AGBL1: variants seen among roughly 807,000 people sequenced by gnomAD.
The protein encoded by AGBL1 is AGBL carboxypeptidase 1.
AGBL1 carries 130 observed loss-of-function variants against 118.9 expected under a neutral mutation model. The ratio of observed to expected loss-of-function variants is 1.09; its 90% CI spans 0.95 to 1.26. The LOEUF (loss-of-function observed/expected upper bound fraction) is 1.26, where lower values mean the gene tolerates loss of function less well. AGBL1 is among the 50% of genes most tolerant of loss of function. The pLI, the probability that AGBL1 is intolerant of heterozygous loss-of-function variation, is 0.00. For missense variants in AGBL1, 1,584 were observed against 1,298.1 expected, an observed-to-expected ratio of 1.22 and a Z score of -3.38; for synonymous variants, 555 against 478.9, an observed-to-expected ratio of 1.16 and a Z score of -2.08.
chr15:86,732,343 C>T (rs892919303), intron 22 of AGBL1, among the ~76,000 whole-genome samples: 29 of 152,266 alleles, frequency 1.9e-4, no homozygotes, highest in African/African-American at 5.3e-4. Context: ...TAATCTACTC[C>T]ACCACAGCTG....
Position 86,267,090 on chromosome 15 carries a change from A to G in AGBL1, c.1838+14A>G. On this transcript the variant is annotated intron_variant, in intron 13 of 22. Coordinates refer to ENST00000614907, the MANE Select transcript of AGBL1 (RefSeq NM_001386094.1). The stretch of plus-strand genomic sequence containing the variant: ...CCAAGTGCGTGAGTAAGTAAGGAAA[A>G]CCACAGTGGGTGTCTCCTGTCAGTT... 2 of 1,548,914 alleles carry G rather than the reference A, an allele frequency of 1.3e-6. No individual in the cohort carries two copies. Among genetic ancestry groups the G allele is most frequent in the Non-Finnish European group, 1.7e-6 (2 of 1,142,976 alleles).
chr15:86,673,714 T>C (rs1042601650), intron 21 of AGBL1, among the ~76,000 whole-genome samples: 28 of 152,176 alleles, frequency 1.8e-4, no homozygotes, highest in African/African-American at 6.0e-4. Flanking sequence ...AATTATACTA[T>C]AGAGTACATG....
At chr15:86,544,254 G>C (rs2083546399) in intron 19 of AGBL1, among the ~76,000 whole-genome samples, 1 of 152,148 alleles carries the variant, frequency 6.6e-6, no homozygotes, top group Admixed American at 6.5e-5. Context: ...ATATCAGCTA[G>C]GTCAATCGGG....
intron 22 of AGBL1, among the ~76,000 whole-genome samples, chr15:86,701,740 TCCTTCCTTTCACTCCTTTCC>T (rs969749534): frequency 5.2e-5 from 7 of 133,996 alleles, no homozygotes; most frequent in South Asian, 2.7e-4. Flanking sequence ...CACTCCTCTC[TCCTTCCTTTCACTCCTTTCC>T]CCTTCCTTTC....
At chr15:86,418,191 T>C (rs2081728112) in intron 18 of AGBL1, among the ~76,000 whole-genome samples, 3 of 152,348 alleles carry the variant, frequency 2.0e-5, no homozygotes, top group South Asian at 2.1e-4. Context: ...GATACATTTG[T>C]TGAACTGGAG....
intron 22 of AGBL1, among the ~76,000 whole-genome samples, chr15:86,790,143 A>C (rs2141327697): frequency 6.6e-6 from 1 of 152,296 alleles, no homozygotes; most frequent in South Asian, 2.1e-4. Context: ...TGCACTTGGC[A>C]ACCATTTTCT....
chr15:86,291,340 T>C (rs1175016113), intron 16 of AGBL1, among the ~76,000 whole-genome samples: 1 of 151,598 alleles, frequency 6.6e-6, no homozygotes, highest in Non-Finnish European at 1.5e-5. Context: ...TTTGTATACA[T>C]ATATGTACAA....
At chr15:86,424,519 A>G (rs2142029229) in intron 18 of AGBL1, among the ~76,000 whole-genome samples, 1 of 152,342 alleles carries the variant, frequency 6.6e-6, no homozygotes, top group South Asian at 2.1e-4. Flanking sequence ...AATGGCAACA[A>G]AAGCCAAAAT....
At chr15:86,448,848 A>G (rs6496330) in intron 18 of AGBL1, among the ~76,000 whole-genome samples, 6,956 of 152,304 alleles carry the variant, frequency 0.046, 575 homozygotes, top group African/African-American at 0.16. Context: ...ATTTAACTCA[A>G]AAGAAAAAAA....
intron 20 of AGBL1, among the ~76,000 whole-genome samples, chr15:86,547,307 C>CA (rs752020085): frequency 2.4e-4 from 37 of 151,970 alleles, no homozygotes; most frequent in Non-Finnish European, 4.3e-4. Context: ...CATCTTGAAT[C>CA]AAAAAAATCT....
chr15:86,897,747 C>T (rs757964399), intron 22 of AGBL1, among the ~76,000 whole-genome samples: 30 of 141,404 alleles, frequency 2.1e-4, no homozygotes, highest in Middle Eastern at 3.6e-3. Flanking sequence ...TGATAATTTA[C>T]TCCTTTCATC....
chr15:86,321,404 C>T (rs12437556), intron 17 of AGBL1, among the ~76,000 whole-genome samples: 75,480 of 151,646 alleles, frequency 0.5, 19,117 homozygotes, highest in Middle Eastern at 0.6. Flanking sequence ...CAAGTTCTTC[C>T]GCTTGTGTAA....
chr15:86,776,252 C>A (rs1378060443), intron 22 of AGBL1, among the ~76,000 whole-genome samples: 1 of 152,050 alleles, frequency 6.6e-6, no homozygotes, highest in Non-Finnish European at 1.5e-5. Context: ...CTGTCCTTTG[C>A]CTTGTATAAA....
intron 18 of AGBL1, among the ~76,000 whole-genome samples, chr15:86,517,881 C>T (rs1056860358): frequency 2.0e-5 from 3 of 152,150 alleles, no homozygotes; most frequent in African/African-American, 4.8e-5. Flanking sequence ...CCATGCTCTT[C>T]GTCGTGTTCT....
At chr15:86,439,535 A>G (rs1432656564) in intron 18 of AGBL1, among the ~76,000 whole-genome samples, 1 of 152,204 alleles carries the variant, frequency 6.6e-6, no homozygotes, top group Non-Finnish European at 1.5e-5. Flanking sequence ...ATGTGTTATC[A>G]GTTGAAAGAA....
At chr15:86,508,606 TTTTTA>T (rs1426028446) in intron 18 of AGBL1, among the ~76,000 whole-genome samples, 1 of 152,090 alleles carries the variant, frequency 6.6e-6, no homozygotes, top group Non-Finnish European at 1.5e-5. Flanking sequence ...TCTCCTCTTA[TTTTTA>T]TTTTATTGTT....
chr15:87,004,037 A>T (rs1368158523), intron 24 of AGBL1, among the ~76,000 whole-genome samples: 2 of 151,990 alleles, frequency 1.3e-5, no homozygotes, highest in African/African-American at 4.8e-5. Context: ...TTGATTCTCT[A>T]GTTCTTTCAA....
At chr15:86,087,932 A>G (rs1290512098) in intron 1 of AGBL1, among the ~76,000 whole-genome samples, 6 of 152,242 alleles carry the variant, frequency 3.9e-5, no homozygotes, top group Admixed American at 3.9e-4. Flanking sequence ...AGCTGTCTCC[A>G]CAGGCTGGAA....
At chr15:86,776,580 T>C (rs7182784) in intron 22 of AGBL1, among the ~76,000 whole-genome samples, 35,429 of 151,706 alleles carry the variant, frequency 0.23, 4,266 homozygotes, top group African/African-American at 0.29. Flanking sequence ...GTTCCAGGGA[T>C]TGTAATATTT....
Sources: gnomAD v4.1 joint callset for allele counts (sites outside exome capture counted in the v4.1 genomes callset) on GRCh38, gnomAD v4.1.1 for gene constraint, MANE v1.5 for transcripts, NCBI Gene and HGNC (gene_info 2026-07-23, HGNC 2026-07-21) for gene names.